The following PTCHD4 variants were observed in gnomAD, a reference collection of about 807,000 sequenced individuals.
PTCHD4 encodes patched domain-containing protein 4.
A neutral mutation model predicts 58.1 loss-of-function variants in PTCHD4; 33 were observed. The ratio of observed to expected loss-of-function variants is 0.57; its 90% CI spans 0.43 to 0.76. PTCHD4 has a LOEUF of 0.76. Ranked by LOEUF, PTCHD4 falls within the 30% of genes least tolerant of loss-of-function variation. The probability of loss-of-function intolerance (pLI) is 0.00; values close to 1 mark genes in which losing one functional copy is unlikely to be tolerated. For missense variants in PTCHD4, 1,058 were observed against 1,027.1 expected (o/e 1.03, Z -0.41); for synonymous variants, 478 against 409.6 (o/e 1.17, Z -2.02).
intron 4 of PTCHD4, among the ~76,000 whole-genome samples, chr6:47,996,438 GCTCCCC>G (rs386700923): frequency 0.7 from 106,491 of 151,792 alleles, 37,432 homozygotes; most frequent in East Asian, 0.84. Flanking sequence ...TTGCAGCACT[GCTCCCC>G]AGCCTGGGCT....
chr6:47,928,555 T>G (rs1765703618), intron 4 of PTCHD4, among the ~76,000 whole-genome samples: 1 of 152,226 alleles, frequency 6.6e-6, no homozygotes. Flanking sequence ...TTGACATTCT[T>G]TCTGTAAGAA....
intron 4 of PTCHD4, among the ~76,000 whole-genome samples, chr6:48,007,972 T>A (rs1466552101): frequency 3.3e-5 from 5 of 150,570 alleles, no homozygotes; most frequent in African/African-American, 4.9e-5. Context: ...ACGCACCACC[T>A]ACATAGTATT....
At chr6:47,943,150 A>C (rs1322610974) in intron 4 of PTCHD4, among the ~76,000 whole-genome samples, 1 of 152,140 alleles carries the variant, frequency 6.6e-6, no homozygotes, top group Non-Finnish European at 1.5e-5. Flanking sequence ...CAGATTAAGC[A>C]CTGAGAAAAT....
At chr6:48,002,461 G>A (rs1477892397) in intron 4 of PTCHD4, among the ~76,000 whole-genome samples, 1 of 152,046 alleles carries the variant, frequency 6.6e-6, no homozygotes, top group Non-Finnish European at 1.5e-5. Flanking sequence ...CCTTTGTAGG[G>A]ACGTGGGTGA....
chr6:48,099,917 A>G (rs1047519456), intron 1 of PTCHD4, among the ~76,000 whole-genome samples: 1 of 152,258 alleles, frequency 6.6e-6, no homozygotes, highest in Non-Finnish European at 1.5e-5. Context: ...GAAATTCCCC[A>G]TAAGCAATTT....
intron 1 of PTCHD4, among the ~76,000 whole-genome samples, chr6:48,078,274 G>A (rs113525006): frequency 0.04 from 6,064 of 152,214 alleles, 177 homozygotes; most frequent in Non-Finnish European, 0.063. Context: ...TCATGTATTT[G>A]CACAATACCA....
chr6:48,008,741 A>G lies in PTCHD4; in HGVS notation c.791T>C (p.Leu264Pro). ...CLRSKPFLGL[L>P]GVLTVCISII... ...GGAGATGCATACTGTGAGCACCCCCAGGAGGCCCAGGAAGGGCTTACTGCG... is the reference window on the plus strand; with the variant it reads ...GGAGATGCATACTGTGAGCACCCCCGGGAGGCCCAGGAAGGGCTTACTGCG... The change falls in exon 4 of 5, where the codon CTG becomes CCG. Residue 264 changes from leucine to proline, a missense_variant. By Grantham distance (98) the Leu-to-Pro change is moderately conservative. Transcript: ENST00000339488. 6.2e-7 allele frequency: 1 copy of G among 1,613,922 alleles called. No individual in the cohort carries two copies. Among genetic ancestry groups the G allele is most frequent in the Non-Finnish European group, 8.5e-7 (1 of 1,179,884 alleles).
chr6:47,960,405 C>T lies in PTCHD4; in HGVS notation c.898+48229G>A, dbSNP rs139472432. ...TGGTTTAAATGCTCCAATTAAAAGA[C>T]GAAAGTTTTCATATTGGATAAAAAT... On this transcript the variant is annotated intron_variant, in intron 4 of 4. Coordinates refer to ENST00000339488, the MANE Select transcript of PTCHD4 (RefSeq NM_001384253.1). 3.1e-3 allele frequency among the ~76,000 whole-genome samples: 476 copies of T among 151,976 alleles called. 3 individuals carry two copies. The highest frequency in any genetic ancestry group is 9.7e-3 in the African/African-American group (404 of 41,464).
intron 4 of PTCHD4, among the ~76,000 whole-genome samples, chr6:47,989,882 C>A (rs1284933152): frequency 1.3e-5 from 2 of 152,164 alleles, no homozygotes; most frequent in Non-Finnish European, 2.9e-5. Flanking sequence ...CTTCCAGACC[C>A]CAGAACCGTA....
chr6:48,030,587 T>C (rs551825039), intron 3 of PTCHD4, among the ~76,000 whole-genome samples: 2 of 152,292 alleles, frequency 1.3e-5, no homozygotes, highest in East Asian at 3.9e-4. Context: ...GCAACTTTCA[T>C]GTCTGCTGCT....
intron 3 of PTCHD4, among the ~76,000 whole-genome samples, chr6:48,049,862 A>T (rs183042021): frequency 6.6e-6 from 1 of 152,142 alleles, no homozygotes; most frequent in Admixed American, 6.6e-5. Context: ...GTACTCTCAG[A>T]GTAGTCATTA....
chr6:47,903,650 G>A (rs1764786048), intron 4 of PTCHD4, among the ~76,000 whole-genome samples: 1 of 152,108 alleles, frequency 6.6e-6, no homozygotes, highest in Non-Finnish European at 1.5e-5. Flanking sequence ...TATATTTATT[G>A]AATGTATACT....
chr6:48,060,371 C>T (rs1047555434), intron 3 of PTCHD4, among the ~76,000 whole-genome samples: 1 of 152,226 alleles, frequency 6.6e-6, no homozygotes, highest in African/African-American at 2.4e-5. Context: ...AAACTTCCAT[C>T]TGTCATGAAT....
At chr6:48,052,110 A>C (rs1367055063) in intron 3 of PTCHD4, among the ~76,000 whole-genome samples, 1 of 152,062 alleles carries the variant, frequency 6.6e-6, no homozygotes, top group Non-Finnish European at 1.5e-5. Context: ...CATTGAAATA[A>C]GACAAATACA....
chr6:48,029,929 G>A (rs566963503), intron 3 of PTCHD4, among the ~76,000 whole-genome samples: 20 of 152,178 alleles, frequency 1.3e-4, no homozygotes, highest in African/African-American at 4.8e-4. Flanking sequence ...AGCATTACAA[G>A]TGAGTAAGGA....
At chr6:48,049,467 T>G (rs964413488) in intron 3 of PTCHD4, among the ~76,000 whole-genome samples, 1 of 151,976 alleles carries the variant, frequency 6.6e-6, no homozygotes, top group African/African-American at 2.4e-5. Flanking sequence ...ATGTGTTTAA[T>G]GAGGATAAAA....
intron 4 of PTCHD4, among the ~76,000 whole-genome samples, chr6:47,939,246 A>G (rs1304984346): frequency 1.3e-5 from 2 of 152,240 alleles, no homozygotes; most frequent in African/African-American, 4.8e-5. Context: ...ATTAAGAGTT[A>G]TTAAAACTCA....
intron 4 of PTCHD4, among the ~76,000 whole-genome samples, chr6:48,007,873 TA>T (rs1316001746): frequency 6.6e-6 from 1 of 152,176 alleles, no homozygotes; most frequent in Non-Finnish European, 1.5e-5. Context: ...GTCTTGTTGC[TA>T]AGCACTTACG....
intron 1 of PTCHD4, among the ~76,000 whole-genome samples, chr6:48,091,153 A>T (rs1358181856): frequency 1.3e-5 from 2 of 152,136 alleles, no homozygotes; most frequent in Non-Finnish European, 2.9e-5. Context: ...AAATCATTAT[A>T]TGTTAGTATG....
Sources: gnomAD v4.1 joint callset for allele counts (sites outside exome capture counted in the v4.1 genomes callset) on GRCh38, gnomAD v4.1.1 for gene constraint, MANE v1.5 for transcripts, NCBI Gene and HGNC (gene_info 2026-07-23, HGNC 2026-07-21) for gene names.